Variants in TRIM5 observed in about 807,000 individuals in gnomAD.
TRIM5 encodes the protein tripartite motif-containing protein 5.
In TRIM5, 31 loss-of-function variants were observed where a neutral mutation model predicts 35.6. The observed-to-expected ratio is 0.87, with a 90% confidence interval of 0.65 to 1.18. The LOEUF is 1.18. TRIM5 is among the 50% of genes most tolerant of loss of function. The probability of loss-of-function intolerance (pLI) is 0.00; values close to 1 mark genes in which losing one functional copy is unlikely to be tolerated. For missense variants in TRIM5, 609 were observed against 591.6 expected (o/e 1.03, Z -0.31); for synonymous variants, 243 against 215.6 (o/e 1.13, Z -1.11).
At chr11:5,617,139 A>C in the TRIM5 span, among the ~76,000 whole-genome samples, 1 of 144,074 alleles carries the variant, frequency 6.9e-6, no homozygotes, top group Non-Finnish European at 1.5e-5. Context: ...TCCATCTTGA[A>C]AACATACTAG....
the TRIM5 span, among the ~76,000 whole-genome samples, chr11:5,655,851 C>T: frequency 2.6e-5 from 4 of 152,156 alleles, no homozygotes; most frequent in African/African-American, 7.2e-5. Context: ...AGAAATAATG[C>T]CACACATCTA....
the TRIM5 span, among the ~76,000 whole-genome samples, chr11:5,655,384 ATTGT>A: frequency 5.3e-5 from 8 of 152,168 alleles, no homozygotes; most frequent in African/African-American, 1.9e-4. Context: ...TGATGAATTT[ATTGT>A]TTGTTAGAGC....
the TRIM5 span, among the ~76,000 whole-genome samples, chr11:5,600,372 T>C: frequency 2.6e-5 from 4 of 152,202 alleles, no homozygotes; most frequent in African/African-American, 7.2e-5. Context: ...TCTGTAGATA[T>C]TTGCTGTGAG....
chr11:5,641,569 G>A, the TRIM5 span, among the ~76,000 whole-genome samples: 2 of 152,118 alleles, frequency 1.3e-5, no homozygotes, highest in Non-Finnish European at 2.9e-5. Flanking sequence ...CTAAAATAGG[G>A]CATGGAGACA....
chr11:5,620,146 T>C, the TRIM5 span: 1 of 149,230 alleles, frequency 6.7e-6, no homozygotes, highest in Non-Finnish European at 1.5e-5. Context: ...TTGGTTTAGC[T>C]TTTTTTTCCT....
chr11:5,662,413 T>G (rs753687853), downstream of TRIM5, among the ~76,000 whole-genome samples: 3 of 152,006 alleles, frequency 2.0e-5, no homozygotes, highest in Non-Finnish European at 2.9e-5. Context: ...AGTATTTTTT[T>G]GTCATTTATG....
chr11:5,658,167 A>G, the TRIM5 span, among the ~76,000 whole-genome samples: 2 of 152,168 alleles, frequency 1.3e-5, no homozygotes, highest in Non-Finnish European at 2.9e-5. Flanking sequence ...GAAGAGACAC[A>G]AGCAACTGAA....
chr11:5,599,264 T>C, the TRIM5 span, among the ~76,000 whole-genome samples: 1 of 152,180 alleles, frequency 6.6e-6, no homozygotes, highest in Non-Finnish European at 1.5e-5. Flanking sequence ...TAGTTCTCCT[T>C]CAAGAGAATT....
intron 1 of TRIM5, among the ~76,000 whole-genome samples, chr11:5,682,469 C>A (rs904527099): frequency 6.6e-6 from 1 of 152,002 alleles, no homozygotes; most frequent in Non-Finnish European, 1.5e-5. Flanking sequence ...ATGCTGTCAC[C>A]AGGGAAGCCC....
chr11:5,611,579 A>C, the TRIM5 span: 1 of 433,782 alleles, frequency 2.3e-6, no homozygotes, highest in Non-Finnish European at 4.1e-6. Context: ...TCAGCATCCC[A>C]AGTAGCTGGG....
chr11:5,667,242 T>C (rs1851209575), intron 5 of TRIM5, among the ~76,000 whole-genome samples: 1 of 152,224 alleles, frequency 6.6e-6, no homozygotes, highest in South Asian at 2.1e-4. Flanking sequence ...AGTCTCACTT[T>C]GTCGCCCAGA....
At chr11:5,590,625 CA>C in the TRIM5 span, 1 of 152,178 alleles carries the variant, frequency 6.6e-6, no homozygotes, top group African/African-American at 2.4e-5. Flanking sequence ...CCTGTCAAAA[CA>C]GACCACTGGG....
At chr11:5,606,795 C>T in the TRIM5 span, among the ~76,000 whole-genome samples, 12 of 152,128 alleles carry the variant, frequency 7.9e-5, no homozygotes, top group Admixed American at 7.2e-4. Context: ...TATGACTGCC[C>T]CACGGACATT....
intron 4 of TRIM5, among the ~76,000 whole-genome samples, chr11:5,669,112 G>A (rs957901225): frequency 1.5e-5 from 2 of 130,576 alleles, no homozygotes; most frequent in East Asian, 2.1e-4. Context: ...ACGGGGTTTC[G>A]CTCGTTTCCC....
At chr11:5,601,848 C>G in the TRIM5 span, among the ~76,000 whole-genome samples, 1 of 152,034 alleles carries the variant, frequency 6.6e-6, no homozygotes, top group Non-Finnish European at 1.5e-5. Context: ...TGAGAGGGCT[C>G]TATGTGGAGC....
the TRIM5 span, among the ~76,000 whole-genome samples, chr11:5,621,539 T>C: frequency 6.6e-6 from 1 of 152,174 alleles, no homozygotes; most frequent in East Asian, 1.9e-4. Context: ...CAGCTGAGAG[T>C]GAGGCACCAG....
chr11:5,646,998 A>G, the TRIM5 span, among the ~76,000 whole-genome samples: 1 of 152,220 alleles, frequency 6.6e-6, no homozygotes. Flanking sequence ...TGGAAACATC[A>G]TTGCTATGGA....
chr11:5,631,178 G>A, the TRIM5 span, among the ~76,000 whole-genome samples: 2 of 152,116 alleles, frequency 1.3e-5, no homozygotes, highest in Non-Finnish European at 2.9e-5. Context: ...ATCAACCTCT[G>A]TAACATCCTT....
downstream of TRIM5, among the ~76,000 whole-genome samples, chr11:5,661,825 G>A (rs1427474668): frequency 6.6e-6 from 1 of 152,152 alleles, no homozygotes. Context: ...CTAGGGCCAG[G>A]AGCATCTGTT....
Sources: allele counts gnomAD v4.1 joint callset (sites outside exome capture counted in the v4.1 genomes callset), GRCh38; gene constraint gnomAD v4.1.1; transcripts MANE v1.5; gene names NCBI Gene and HGNC (gene_info 2026-07-23, HGNC 2026-07-21).